Variants in CUX1 observed in about 807,000 individuals in gnomAD.
The protein encoded by CUX1 is protein CASP.
A neutral mutation model predicts 158.8 loss-of-function variants in CUX1; 31 were observed. The ratio of observed to expected loss-of-function variants is 0.20; its 90% CI spans 0.15 to 0.26. The LOEUF (loss-of-function observed/expected upper bound fraction) is 0.26, where lower values mean the gene tolerates loss of function less well. Among genes scored for constraint, CUX1 ranks in the 10% least tolerant of loss-of-function variants. CUX1 has a pLI of 1.00. For missense variants in CUX1, 1,589 were observed against 2,014.6 expected (o/e 0.79, Z 4.04); for synonymous variants, 879 against 862.1 (o/e 1.02, Z -0.34).
At chr7:102,056,047 A>T (rs1354525265) in intron 3 of CUX1, among the ~76,000 whole-genome samples, 2 of 152,192 alleles carry the variant, frequency 1.3e-5, no homozygotes, top group Non-Finnish European at 2.9e-5. Context: ...CTTCAATTCT[A>T]TGAAGGCTGA....
intron 3 of CUX1, among the ~76,000 whole-genome samples, chr7:102,035,281 G>A (rs924287794): frequency 7.9e-5 from 12 of 152,088 alleles, no homozygotes; most frequent in African/African-American, 1.2e-4. Flanking sequence ...CATGCCGTTT[G>A]TCAGTTTCAG....
chr7:101,909,519 G>A (rs1303944337), intron 1 of CUX1, among the ~76,000 whole-genome samples: 1 of 152,176 alleles, frequency 6.6e-6, no homozygotes, highest in Non-Finnish European at 1.5e-5. Context: ...AAAATAAAAT[G>A]GTCTTAGGAC....
chr7:102,276,756 A>G (rs1387307902), intron 17 of CUX1, among the ~76,000 whole-genome samples: 1 of 152,200 alleles, frequency 6.6e-6, no homozygotes, highest in African/African-American at 2.4e-5. Context: ...AGGCAAATCC[A>G]TAGAGACAAA....
In CUX1 at chr7:102,252,399, T is replaced by G; in HGVS notation, c.*3357T>G. ...CCGCAGGCAGCCGACCCCCTTCCTC[T>G]TCACGCTCTATGAGTTTAAAAAGCT... On this transcript the variant is annotated 3_prime_UTR_variant, in exon 24 of 24. Transcript: ENST00000292535. 1.0e-6 allele frequency: 1 copy of G among 985,484 alleles called. No homozygotes were observed. Among genetic ancestry groups the G allele is most frequent in the Non-Finnish European group, 1.2e-6 (1 of 829,984 alleles). 61.0% of individuals were successfully genotyped at this position (985,484 alleles called of 1,614,324 possible). A position where few individuals can be genotyped will look rare whatever the true frequency, so the allele number is the denominator to read the frequency against.
intron 1 of CUX1, chr7:101,913,558 A>C: frequency 9.7e-6 from 3 of 307,928 alleles, no homozygotes; most frequent in Non-Finnish European, 1.6e-5. Flanking sequence ...GGGCCCACAG[A>C]CCCCCGGCTC....
At chr7:102,132,680 CT>C (rs1174779466) in intron 8 of CUX1, among the ~76,000 whole-genome samples, 67 of 115,176 alleles carry the variant, frequency 5.8e-4, no homozygotes, top group East Asian at 2.7e-3. Context: ...CTTTGCTTTT[CT>C]TTTTTTTTTT....
chr7:102,198,207 C>T (rs1554518901), intron 15 of CUX1, among the ~76,000 whole-genome samples: 1 of 152,146 alleles, frequency 6.6e-6, no homozygotes, highest in Non-Finnish European at 1.5e-5. Context: ...CTGCAGTGAG[C>T]CATGATTGAG....
At position 102,249,027 on chromosome 7, in the gene CUX1, C is replaced by T. The variant is rs202056533; in HGVS notation, c.4503C>T (p.Ile1501=). The part of the protein sequence containing the change: ...LEKAASREEP[I]EWEF ...AGGCCGCCAGCCGGGAGGAACCTAT[C>T]GAATGGGAGTTCTGAGGGGCCGCGG... Residue 1501 remains isoleucine, a synonymous_variant, in exon 24 of 24, where the codon ATC becomes ATT. Coordinates refer to ENST00000292535, the MANE Select transcript of CUX1 (RefSeq NM_181552.4). The T allele has an allele frequency of 1.1e-3, 1,500 of 1,365,014 alleles. 1 individual carries two copies. The highest frequency in any genetic ancestry group is 7.4e-3 in the Middle Eastern group (37 of 4,982). 84.6% of individuals were successfully genotyped at this position (1,365,014 alleles called of 1,614,324 possible).
intron 1 of CUX1, among the ~76,000 whole-genome samples, chr7:101,904,149 C>CACACAT (rs1554410887): frequency 6.6e-6 from 1 of 151,390 alleles, no homozygotes; most frequent in Admixed American, 6.6e-5. Context: ...CACACACACA[C>CACACAT]ATTAGCTGGA....
intron 1 of CUX1, among the ~76,000 whole-genome samples, chr7:101,907,537 C>T (rs1240071262): frequency 6.6e-6 from 1 of 151,948 alleles, no homozygotes; most frequent in Non-Finnish European, 1.5e-5. Flanking sequence ...TTAGTAGAGA[C>T]AGGGTTTCAC....
rs138771468 is a variant in CUX1 at position 101,953,404 on chromosome 7, C to G, written c.141+37179C>G. ...TACTTATTAGAAGAAAAACACTTCC[C>G]TATGTGTTGTTGTTCGGCCTTCTCG... On this transcript the variant is annotated intron_variant, in intron 2 of 23. Coordinates refer to ENST00000292535, the MANE Select transcript of CUX1 (RefSeq NM_181552.4). Among the ~76,000 whole-genome samples the G allele has an allele frequency of 6.9e-3, 1,046 of 152,268 alleles. 11 individuals are homozygous for G. Among genetic ancestry groups the G allele is most frequent in the African/African-American group, 0.024 (991 of 41,542 alleles).
chr7:102,066,561 C>T (rs1002854168), intron 3 of CUX1, among the ~76,000 whole-genome samples: 4 of 152,162 alleles, frequency 2.6e-5, no homozygotes, highest in South Asian at 4.1e-4. Context: ...CTCCAGGAGA[C>T]GCAGCCACCC....
chr7:102,194,068 CT>C (rs1794551796), intron 13 of CUX1, 178 bp downstream of exon 13: 21 of 690,326 alleles, frequency 3.0e-5, no homozygotes, highest in East Asian at 5.1e-5. Context: ...TTTTTGTCTC[CT>C]TTTTTTCCAT....
chr7:101,909,009 G>C (rs1295919049), intron 1 of CUX1, among the ~76,000 whole-genome samples: 1 of 152,180 alleles, frequency 6.6e-6, no homozygotes, highest in Non-Finnish European at 1.5e-5. Context: ...ACTTAGGGAG[G>C]CTGAGGTGGG....
In CUX1 at chr7:102,283,063, G is replaced by A. The variant is rs1259553375; in HGVS notation, c.2010G>A (p.Gly670=). Residue 670 remains glycine, a synonymous_variant, in exon 23 of 23, where the codon GGG becomes GGA. Coordinates refer to the CUX1 transcript ENST00000292538. ...ACAAGTTCCACGAGAATGACAACGG[G>A]GCTGCGGCTGGTGACTTGTGGCAGT... 4 of 1,613,564 alleles carry A rather than the reference G, an allele frequency of 2.5e-6. No individual in the cohort carries two copies. In the African/African-American group the frequency reaches 4.0e-5, roughly 16 times the overall value.
rs780036380 is a variant in CUX1 at position 101,909,922 on chromosome 7, T to A, written c.31-6193T>A. Among the ~76,000 whole-genome samples, 22 of 152,112 alleles carry A rather than the reference T, an allele frequency of 1.4e-4. 1 individual carries two copies. The highest frequency in any genetic ancestry group is 3.1e-4 in the Non-Finnish European group (21 of 68,016). ...CCACTTTAAAACAAACAACTGACAA[T>A]TACACTTTTTTTTTTGAGACAGAGT... On this transcript the variant is annotated intron_variant, in intron 1 of 23. Coordinates refer to ENST00000292535, the MANE Select transcript of CUX1 (RefSeq NM_181552.4).
chr7:102,084,711 A>G (rs782530881), intron 4 of CUX1, among the ~76,000 whole-genome samples: 3 of 117,328 alleles, frequency 2.6e-5, no homozygotes, highest in African/African-American at 5.2e-5. Context: ...GTGTGAGCCA[A>G]CGCACCCGGC....
intron 2 of CUX1, among the ~76,000 whole-genome samples, chr7:102,020,164 T>C (rs1433754264): frequency 1.3e-5 from 2 of 152,252 alleles, no homozygotes; most frequent in Non-Finnish European, 2.9e-5. Flanking sequence ...TCTGCTGTTG[T>C]ATAGAAAGAT....
chr7:102,279,218 G>GA (rs1791866268), intron 18 of CUX1, among the ~76,000 whole-genome samples: 1 of 152,128 alleles, frequency 6.6e-6, no homozygotes, highest in African/African-American at 2.4e-5. Flanking sequence ...TCATGCACCT[G>GA]TAATCCCAGC....
Sources: allele counts gnomAD v4.1 joint callset (sites outside exome capture counted in the v4.1 genomes callset), GRCh38; gene constraint gnomAD v4.1.1; transcripts MANE v1.5; gene names NCBI Gene and HGNC (gene_info 2026-07-23, HGNC 2026-07-21).